COBLL1: variants seen among roughly 807,000 people sequenced by gnomAD.
COBLL1 encodes the protein cordon-bleu protein-like 1.
Under a neutral mutation model 94.8 loss-of-function variants are expected in COBLL1, and 50 were observed. That is an observed-to-expected ratio of 0.53 (90% CI 0.42 to 0.67). COBLL1 has a LOEUF of 0.67. Ranked by LOEUF, COBLL1 falls within the 30% of genes least tolerant of loss-of-function variation. The probability of loss-of-function intolerance (pLI) is 0.00; values close to 1 mark genes in which losing one functional copy is unlikely to be tolerated. For missense variants in COBLL1, 1,362 were observed against 1,348.7 expected, an observed-to-expected ratio of 1.01 and a Z score of -0.15; for synonymous variants, 448 against 473.8, an observed-to-expected ratio of 0.95 and a Z score of 0.71.
intron 2 of COBLL1, among the ~76,000 whole-genome samples, chr2:164,801,535 T>C (rs1157044917): frequency 6.7e-6 from 1 of 149,904 alleles, no homozygotes; most frequent in Non-Finnish European, 1.5e-5. Flanking sequence ...GGTGGATTGC[T>C]TGAGCCCAGG....
chr2:164,812,030 G>A (rs922150130), intron 2 of COBLL1, among the ~76,000 whole-genome samples: 4 of 151,700 alleles, frequency 2.6e-5, no homozygotes, highest in Admixed American at 2.6e-4. Context: ...CCAATTTGTA[G>A]TAACCATGAC....
At chr2:164,691,882 T>C (rs1471059006) in intron 13 of COBLL1, among the ~76,000 whole-genome samples, 6 of 152,178 alleles carry the variant, frequency 3.9e-5, no homozygotes, top group East Asian at 1.9e-4. Flanking sequence ...CTATCACTAA[T>C]GTACCTTTTT....
Position 164,685,251 on chromosome 2 carries a change from T to C in COBLL1, c.*695A>G, listed in dbSNP as rs1341934993. The C allele has an allele frequency of 1.3e-5, 2 of 152,138 alleles. No individual in the cohort carries two copies. Among genetic ancestry groups the C allele is most frequent in the Admixed American group, 1.3e-4 (2 of 15,272 alleles). 9.4% of individuals were successfully genotyped at this position (152,138 alleles called of 1,614,324 possible). A position where few individuals can be genotyped will look rare whatever the true frequency, so the allele number is the denominator to read the frequency against. On this transcript the variant is annotated 3_prime_UTR_variant, in exon 14 of 14. Coordinates refer to ENST00000652658, the MANE Select transcript of COBLL1 (RefSeq NM_001365672.2). ...TTTCTGTGTGACAATGTCATAATTA[T>C]ATACAGAAAATATTTAAAATTCTTG... is the stretch of plus-strand genomic sequence containing the variant.
chr2:164,804,392 T>A (rs1683982624), intron 2 of COBLL1, among the ~76,000 whole-genome samples: 1 of 152,080 alleles, frequency 6.6e-6, no homozygotes, highest in South Asian at 2.1e-4. Context: ...AAAATGAAAA[T>A]AATAAAAGTT....
At chr2:164,662,345 G>C (rs1422855401) in intron 2 of COBLL1, among the ~76,000 whole-genome samples, 1 of 152,102 alleles carries the variant, frequency 6.6e-6, no homozygotes, top group Non-Finnish European at 1.5e-5. Context: ...CTTCACACAA[G>C]AGATTTGTTA....
intron 10 of COBLL1, among the ~76,000 whole-genome samples, chr2:164,699,705 T>C (rs1276953588): frequency 1.3e-5 from 2 of 152,084 alleles, no homozygotes; most frequent in East Asian, 1.9e-4. Flanking sequence ...TATGAAACAT[T>C]AGCTTTCATG....
chr2:164,832,912 G>T lies in COBLL1; in HGVS notation c.41+8244C>A, dbSNP rs186898915. On this transcript the variant is annotated intron_variant, in intron 2 of 13. Coordinates refer to ENST00000652658, the MANE Select transcript of COBLL1 (RefSeq NM_001365672.2). ...TACAAAATTAGCCGGGTATGGTGGC[G>T]CATGCCTGTAATCCCAGCTACTCGA... is the stretch of plus-strand genomic sequence containing the variant. Among the ~76,000 whole-genome samples, 24 of 151,916 alleles carry T rather than the reference G, an allele frequency of 1.6e-4. No individual in the cohort carries two copies. In the East Asian group the frequency reaches 4.1e-3, roughly 26 times the overall value.
intron 5 of COBLL1, chr2:164,724,399 T>C (rs542722091): frequency 1.4e-4 from 21 of 152,248 alleles, no homozygotes; most frequent in South Asian, 4.1e-4. Context: ...GAAATTTACA[T>C]TGAAATAAAA....
intron 2 of COBLL1, among the ~76,000 whole-genome samples, chr2:164,792,509 GAAAT>G (rs535770501): frequency 1.3e-5 from 2 of 152,050 alleles, no homozygotes; most frequent in African/African-American, 4.8e-5. Context: ...TCATGACTAA[GAAAT>G]AACTCAAGTT....
intron 3 of COBLL1, among the ~76,000 whole-genome samples, chr2:164,742,424 C>T (rs1386624404): frequency 1.3e-5 from 2 of 151,756 alleles, no homozygotes; most frequent in Non-Finnish European, 2.9e-5. Flanking sequence ...CAGCCAGATC[C>T]ATTAACCCTT....
In COBLL1 at chr2:164,695,322, A is replaced by G. The variant is rs146860639; in HGVS notation, c.2070T>C (p.Asp690=). ...AAGCAGTGGAATTTTTGTCAATCCTATCTACAGGAGGCAAAAGATCATCAT... is the reference window on the plus strand; with the variant it reads ...AAGCAGTGGAATTTTTGTCAATCCTGTCTACAGGAGGCAAAAGATCATCAT... The part of the protein sequence containing the change: ...HGNDDLLPPV[D]RIDKNSTASY... Residue 690 remains aspartate, a synonymous_variant, in exon 12 of 14, where the codon GAT becomes GAC. Coordinates refer to ENST00000652658, the MANE Select transcript of COBLL1 (RefSeq NM_001365672.2). The G allele has an allele frequency of 1.9e-6, 3 of 1,613,916 alleles. No individual in the cohort carries two copies. Among genetic ancestry groups the G allele is most frequent in the Non-Finnish European group, 2.5e-6 (3 of 1,179,938 alleles).
At chr2:164,791,098 C>T (rs1031405442) in intron 2 of COBLL1, among the ~76,000 whole-genome samples, 1 of 151,936 alleles carries the variant, frequency 6.6e-6, no homozygotes, top group African/African-American at 2.4e-5. Context: ...TCTCTGCAGC[C>T]TATCTTTGAA....
At chr2:164,754,977 A>C (rs147259805) in intron 2 of COBLL1, among the ~76,000 whole-genome samples, 1 of 152,178 alleles carries the variant, frequency 6.6e-6, no homozygotes, top group Non-Finnish European at 1.5e-5. Flanking sequence ...AGCCTGGATG[A>C]CATAATAATA....
intron 2 of COBLL1, among the ~76,000 whole-genome samples, chr2:164,805,352 T>TAAATATATATACATATATATAA (rs1383485113): frequency 2.6e-5 from 3 of 113,276 alleles, no homozygotes; most frequent in Non-Finnish European, 5.3e-5. Context: ...TATATATATA[T>TAAATATATATACATATATATAA]ATATATATAT....
intron 2 of COBLL1, among the ~76,000 whole-genome samples, chr2:164,820,360 C>A (rs987339691): frequency 1.3e-5 from 2 of 151,956 alleles, no homozygotes; most frequent in Non-Finnish European, 2.9e-5. Context: ...GCTGGGACTA[C>A]AAGAAAATGT....
intron 2 of COBLL1, among the ~76,000 whole-genome samples, chr2:164,789,901 C>T (rs544963272): frequency 2.3e-4 from 35 of 152,282 alleles, no homozygotes; most frequent in Middle Eastern, 6.8e-3. Flanking sequence ...GGACTGATTA[C>T]GAACACGTGA....
At chr2:164,818,600 CATAT>C (rs1684983151) in intron 2 of COBLL1, among the ~76,000 whole-genome samples, 2 of 137,918 alleles carry the variant, frequency 1.5e-5, no homozygotes, top group Admixed American at 1.4e-4. Context: ...ACATATATAG[CATAT>C]GTGTACATAT....
At chr2:164,832,193 G>A (rs982142174) in intron 2 of COBLL1, among the ~76,000 whole-genome samples, 12 of 152,178 alleles carry the variant, frequency 7.9e-5, no homozygotes, top group Non-Finnish European at 1.6e-4. Flanking sequence ...AAGGAATGTC[G>A]ATAAATGTCT....
chr2:164,747,188 A>G (rs894012064), intron 2 of COBLL1, among the ~76,000 whole-genome samples: 1 of 150,926 alleles, frequency 6.6e-6, no homozygotes, highest in African/African-American at 2.4e-5. Context: ...CTTGTCTGGG[A>G]TTTTTTTTTT....
Sources: gnomAD v4.1 joint callset for allele counts (sites outside exome capture counted in the v4.1 genomes callset) on GRCh38, gnomAD v4.1.1 for gene constraint, MANE v1.5 for transcripts, NCBI Gene and HGNC (gene_info 2026-07-23, HGNC 2026-07-21) for gene names.